EHBP1: variants seen among roughly 807,000 people sequenced by gnomAD.
EHBP1 encodes EH domain binding protein 1, also known as EH domain-binding protein 1.
A neutral mutation model predicts 144.0 loss-of-function variants in EHBP1; 55 were observed. The ratio of observed to expected loss-of-function variants is 0.38; its 90% CI spans 0.31 to 0.48. EHBP1 has a LOEUF of 0.48. Ranked by LOEUF, EHBP1 falls within the 20% of genes least tolerant of loss-of-function variation. EHBP1 has a pLI of 0.98. For missense variants in EHBP1, 1,200 were observed against 1,364.2 expected (o/e 0.88, Z 1.90); for synonymous variants, 469 against 472.7 (o/e 0.99, Z 0.10).
intron 2 of EHBP1, 68 bp from the exon 3 acceptor site, chr2:62,747,327 T>C (rs2039252553): frequency 1.3e-6 from 2 of 1,481,576 alleles, no homozygotes; most frequent in Non-Finnish European, 1.9e-6. Context: ...TTTGCCCTTT[T>C]AAAGGCGCTA....
chr2:63,004,581 A>G (rs1444596380), intron 19 of EHBP1, among the ~76,000 whole-genome samples: 1 of 152,112 alleles, frequency 6.6e-6, no homozygotes, highest in Non-Finnish European at 1.5e-5. Context: ...TCATTCAATG[A>G]AGGTAGATAA....
Position 63,045,384 on chromosome 2 carries a change from G to T in EHBP1, c.3393-26G>T. 2 of 1,608,188 alleles carry T rather than the reference G, an allele frequency of 1.2e-6. No homozygotes were observed. The highest frequency in any genetic ancestry group is 1.7e-6 in the Non-Finnish European group (2 of 1,174,676). ...ACGAAGAAAAATAATTTTGTTTCCT[G>T]TTTGTCCTGTTTGTCTGACATCCAG... is the stretch of plus-strand genomic sequence containing the variant. On this transcript the variant is annotated intron_variant, in intron 22 of 22. Coordinates refer to ENST00000431489, the MANE Select transcript of EHBP1 (RefSeq NM_001142616.3). This position sits in a 1 kb window ranked among gnomAD's most constrained non-coding sequence, Gnocchi z 5.7.
intron 5 of EHBP1, among the ~76,000 whole-genome samples, chr2:62,786,181 G>C (rs1241945791): frequency 3.3e-5 from 5 of 152,276 alleles, no homozygotes; most frequent in Non-Finnish European, 5.9e-5. Flanking sequence ...AGTCTGAGGT[G>C]GTTGGGGTAG....
chr2:63,044,569 T>G (rs1259114300), intron 21 of EHBP1: 1 of 152,448 alleles, frequency 6.6e-6, no homozygotes, highest in Non-Finnish European at 1.5e-5. Flanking sequence ...ACTGCTAAAA[T>G]AGAGCGAAGA....
intron 5 of EHBP1, among the ~76,000 whole-genome samples, chr2:62,788,480 A>G (rs976502487): frequency 1.3e-5 from 2 of 150,744 alleles, no homozygotes; most frequent in African/African-American, 4.9e-5. Context: ...CTGTGTACCA[A>G]AAAAAAAACC....
chr2:62,824,455 T>G (rs1288786497), intron 5 of EHBP1, among the ~76,000 whole-genome samples: 1 of 152,022 alleles, frequency 6.6e-6, no homozygotes, highest in Non-Finnish European at 1.5e-5. Context: ...TCATACTTTT[T>G]CATTTTGCTC....
chr2:62,838,231 T>G (rs1268319864), intron 7 of EHBP1, among the ~76,000 whole-genome samples: 1 of 152,326 alleles, frequency 6.6e-6, no homozygotes, highest in East Asian at 1.9e-4. Flanking sequence ...AACCTGCTCT[T>G]GAATGACTAC....
At chr2:62,838,123 A>G (rs964178173) in intron 7 of EHBP1, among the ~76,000 whole-genome samples, 1 of 151,844 alleles carries the variant, frequency 6.6e-6, no homozygotes, top group East Asian at 1.9e-4. Flanking sequence ...AAAAGAACAG[A>G]CATTATAACA....
intron 1 of EHBP1, among the ~76,000 whole-genome samples, chr2:62,686,224 C>A (rs143512064): frequency 6.6e-6 from 1 of 152,140 alleles, no homozygotes; most frequent in Admixed American, 6.5e-5. Context: ...ACCACAGGTC[C>A]TTTGTGGGGC....
At position 62,955,497 on chromosome 2, in the gene EHBP1, TCTGTATC is replaced by T; in HGVS notation, c.2317-19_2317-13del. 1 of 1,598,992 alleles carries T rather than the reference TCTGTATC, an allele frequency of 6.3e-7. No homozygotes were observed. On this transcript the variant is annotated splice_polypyrimidine_tract_variant and intron_variant, in intron 13 of 22. Transcript: ENST00000431489. The stretch of plus-strand genomic sequence containing the variant: ...ACCCGTTTTTTTTTTGGCTTCTAAT[TCTGTATC>T]TTTGCTTTTAAGCATCGATTGTTAT...
At chr2:62,846,843 A>T (rs919343240) in intron 7 of EHBP1, among the ~76,000 whole-genome samples, 3 of 152,214 alleles carry the variant, frequency 2.0e-5, no homozygotes, top group African/African-American at 7.2e-5. Flanking sequence ...ACCTTAATAA[A>T]TGGAGAGATA....
chr2:62,798,392 G>C (rs2043714410), intron 5 of EHBP1, among the ~76,000 whole-genome samples: 1 of 151,824 alleles, frequency 6.6e-6, no homozygotes, highest in African/African-American at 2.4e-5. Flanking sequence ...AGAAATATCT[G>C]TAGAAATCTC....
At chr2:62,758,204 G>A (rs1215814041) in intron 3 of EHBP1, among the ~76,000 whole-genome samples, 2 of 151,996 alleles carry the variant, frequency 1.3e-5, no homozygotes, top group African/African-American at 4.8e-5. Flanking sequence ...CACCTTTCAG[G>A]TTCAAGCAAT....
At chr2:62,829,510 C>T (rs1172118082) in intron 6 of EHBP1, among the ~76,000 whole-genome samples, 1 of 151,300 alleles carries the variant, frequency 6.6e-6, no homozygotes, top group East Asian at 1.9e-4. Context: ...TCTCCAACTC[C>T]ATCCAGGTTG....
chr2:62,814,420 C>G (rs571595074), intron 5 of EHBP1, among the ~76,000 whole-genome samples: 1 of 152,256 alleles, frequency 6.6e-6, no homozygotes, highest in Non-Finnish European at 1.5e-5. Context: ...TTGTAAATTA[C>G]TCAGTCTCTG....
At chr2:62,846,591 A>T (rs1025510918) in intron 7 of EHBP1, among the ~76,000 whole-genome samples, 1 of 152,194 alleles carries the variant, frequency 6.6e-6, no homozygotes, top group African/African-American at 2.4e-5. Flanking sequence ...CAAGGCAAGG[A>T]TGTTTGCTCT....
Position 62,948,841 on chromosome 2 carries a change from A to G in EHBP1, c.1995A>G (p.Leu665=), listed in dbSNP as rs1388938974. 2.5e-6 allele frequency: 4 copies of G among 1,614,142 alleles called. No homozygotes were observed. Among genetic ancestry groups the G allele is most frequent in the Non-Finnish European group, 3.4e-6 (4 of 1,179,994 alleles). Residue 665 remains leucine (L), a synonymous_variant, in exon 13 of 23, where the codon TTA becomes TTG. Transcript: ENST00000431489. ...LKAETLELSD[L]YVSDKKKDMS... The stretch of plus-strand genomic sequence containing the variant: ...CTGAGACTTTAGAATTGAGTGACTT[A>G]TATGTTAGTGATAAGAAGAAGGATA...
At chr2:62,997,427 CATGTGTGTGTGT>C (rs1348783292) in intron 19 of EHBP1, among the ~76,000 whole-genome samples, 246 of 139,974 alleles carry the variant, frequency 1.8e-3, no homozygotes, top group African/African-American at 2.3e-3. Context: ...GAAAGGAACT[CATGTGTGTGTGT>C]GTGTGTGTGT....
intron 10 of EHBP1, among the ~76,000 whole-genome samples, chr2:62,894,440 A>G (rs2052715672): frequency 6.6e-6 from 1 of 152,028 alleles, no homozygotes; most frequent in South Asian, 2.1e-4. Flanking sequence ...TGAGTGGGGC[A>G]GCAGAGATGA....
Sources: gnomAD v4.1 joint callset for allele counts (sites outside exome capture counted in the v4.1 genomes callset) on GRCh38, gnomAD v4.1.1 for gene constraint, Gnocchi (gnomAD v3.1) non-coding constraint, MANE v1.5 for transcripts, NCBI Gene and HGNC (gene_info 2026-07-23, HGNC 2026-07-21) for gene names.